SYPL1: variants seen among roughly 807,000 people sequenced by gnomAD.
The protein encoded by SYPL1 is synaptophysin like 1.
In SYPL1, 6 loss-of-function variants were observed where a neutral mutation model predicts 23.7. The observed-to-expected ratio is 0.25, with a 90% CI of 0.14 to 0.50. The LOEUF is 0.50. SYPL1 is among the 20% of genes least tolerant of loss of function. The pLI is 0.98. For missense variants in SYPL1, 253 were observed against 288.9 expected, an observed-to-expected ratio of 0.88 and a Z score of 0.90; for synonymous variants, 102 against 104.5, an observed-to-expected ratio of 0.98 and a Z score of 0.15.
intron 1 of SYPL1, among the ~76,000 whole-genome samples, chr7:106,107,961 G>A (rs1225476476): frequency 1.2e-4 from 19 of 152,082 alleles, no homozygotes; most frequent in South Asian, 4.1e-4. Flanking sequence ...TGGGGAGGCC[G>A]AGGCGGGTGG....
chr7:106,093,286 A>AATGTT, intron 3 of SYPL1, 149 bp from the exon 4 acceptor site: 1 of 667,636 alleles, frequency 1.5e-6, no homozygotes, highest in Non-Finnish European at 2.4e-6. Flanking sequence ...GTCAGTCAGC[A>AATGTT]TAGTAAACAT....
chr7:106,099,643 C>G (rs1225597311), intron 1 of SYPL1, among the ~76,000 whole-genome samples: 1 of 152,144 alleles, frequency 6.6e-6, no homozygotes, highest in Non-Finnish European at 1.5e-5. Context: ...ATCCTCCCAT[C>G]TTGGCCTCCC....
At chr7:106,112,436 G>A, upstream of SYPL1, 1 of 1,437,770 alleles carries the variant, frequency 7.0e-7, no homozygotes, top group Non-Finnish European at 9.1e-7. Context: ...GAGGCGAGGG[G>A]CGGGCCGGGG....
intron 1 of SYPL1, among the ~76,000 whole-genome samples, chr7:106,107,716 TG>T (rs1420196431): frequency 7.6e-6 from 1 of 132,272 alleles, no homozygotes; most frequent in Non-Finnish European, 1.5e-5. Context: ...CACTCCAGCC[TG>T]GGTGACAGAG....
At chr7:106,098,709 T>C (rs914780256) in intron 2 of SYPL1, among the ~76,000 whole-genome samples, 2 of 152,242 alleles carry the variant, frequency 1.3e-5, no homozygotes, top group African/African-American at 4.8e-5. Flanking sequence ...GAATGAAATA[T>C]GGAATCTCTT....
At chr7:106,099,904 C>T (rs958591008) in intron 1 of SYPL1, among the ~76,000 whole-genome samples, 2 of 152,128 alleles carry the variant, frequency 1.3e-5, no homozygotes, top group African/African-American at 4.8e-5. Context: ...ATTTGCAAAC[C>T]TCGACAAATG....
chr7:106,112,052 C>A, intron 1 of SYPL1, 88 bp downstream of exon 1: 12 of 1,220,236 alleles, frequency 9.8e-6, no homozygotes, highest in Non-Finnish European at 1.2e-5. Context: ...CGCGGCAGGG[C>A]TGCGTCCCGG....
In SYPL1 at chr7:106,090,785, C is replaced by T. The variant is rs1469188854; in HGVS notation, c.*1020G>A. 1 of 152,160 alleles carries T rather than the reference C, an allele frequency of 6.6e-6. No individual in the cohort carries two copies. The highest frequency in any genetic ancestry group is 2.4e-5 in the African/African-American group (1 of 41,434). The allele number at this position is 152,160 out of a possible 1,614,324, so 9.4% of individuals were successfully genotyped here. A position where few individuals can be genotyped will look rare whatever the true frequency, so the allele number is the denominator to read the frequency against. The stretch of plus-strand genomic sequence containing the variant: ...TAGGTTCCTTTATGATGCATAATTC[C>T]TTAATCATTCATTTGTGAAACAAGA... On this transcript the variant is annotated 3_prime_UTR_variant, in exon 5 of 5. Transcript: ENST00000455385.
chr7:106,093,220 T>C, intron 3 of SYPL1, 83 bp from the exon 4 acceptor site: 1 of 1,297,854 alleles, frequency 7.7e-7, no homozygotes, highest in African/African-American at 1.5e-5. Flanking sequence ...AAACTGAGAT[T>C]ACATTCAACC....
At chr7:106,101,463 C>G (rs1314044329) in intron 1 of SYPL1, among the ~76,000 whole-genome samples, 19 of 61,378 alleles carry the variant, frequency 3.1e-4, no homozygotes, top group African/African-American at 9.3e-4. Flanking sequence ...CCCCCCCCCC[C>G]CCCCACAAAA....
At chr7:106,107,216 A>G (rs1840647814) in intron 1 of SYPL1, among the ~76,000 whole-genome samples, 1 of 152,212 alleles carries the variant, frequency 6.6e-6, no homozygotes, top group Non-Finnish European at 1.5e-5. Flanking sequence ...CAATCAAAAG[A>G]TTAGATGCCT....
At chr7:106,105,409 C>T (rs370533029) in intron 1 of SYPL1, among the ~76,000 whole-genome samples, 3 of 150,878 alleles carry the variant, frequency 2.0e-5, no homozygotes, top group East Asian at 1.9e-4. Context: ...AATCCAGGGG[C>T]GGGGTGACAG....
chr7:106,108,227 A>G (rs978984923), intron 1 of SYPL1, among the ~76,000 whole-genome samples: 6 of 152,206 alleles, frequency 3.9e-5, no homozygotes, highest in Admixed American at 3.3e-4. Flanking sequence ...TTTTAAAAAT[A>G]GAAATCATTT....
At chr7:106,103,371 C>T (rs1037688090) in intron 1 of SYPL1, among the ~76,000 whole-genome samples, 7 of 152,166 alleles carry the variant, frequency 4.6e-5, no homozygotes, top group African/African-American at 1.7e-4. Context: ...GCCTACATTA[C>T]ACCTGCCACT....
chr7:106,106,422 G>A (rs1051285232), intron 1 of SYPL1, among the ~76,000 whole-genome samples: 2 of 151,800 alleles, frequency 1.3e-5, no homozygotes, highest in Non-Finnish European at 2.9e-5. Flanking sequence ...TGTGGTGGTG[G>A]GCACCTGTAA....
Position 106,092,978 on chromosome 7 carries a change from T to C in SYPL1, c.562A>G (p.Thr188Ala). 6.2e-7 allele frequency: 1 copy of C among 1,608,274 alleles called. No individual in the cohort carries two copies. The highest frequency in any genetic ancestry group is 1.7e-5 in the Admixed American group (1 of 59,092). Residue 188 changes from threonine (T) to alanine (A), a missense_variant, in exon 4 of 5, where the codon ACC becomes GCC. By Grantham distance (58) the Thr-to-Ala change is moderately conservative (BLOSUM62 0). Transcript: ENST00000455385. ...GATACATTTAGGGATCCCATACTGG[T>C]CACAGAGCCAAAGTAACACAGTACT... ...KAVLCYFGSVTSMGSLNVSVI... is the reference protein window; with the variant it reads ...KAVLCYFGSVASMGSLNVSVI...
intron 1 of SYPL1, among the ~76,000 whole-genome samples, chr7:106,107,763 T>C (rs1275576947): frequency 1.5e-5 from 2 of 129,760 alleles, no homozygotes; most frequent in African/African-American, 6.7e-5. Flanking sequence ...AAAAAAAAAA[T>C]TGGATTATGA....
At position 106,096,175 on chromosome 7, in the gene SYPL1, C is replaced by T. The variant is rs1019585473; in HGVS notation, c.402+1515G>A. 7 of 151,946 alleles carry T rather than the reference C, an allele frequency of 4.6e-5. No individual in the cohort carries two copies. The highest frequency in any genetic ancestry group is 9.7e-5 in the African/African-American group (4 of 41,358). 9.4% of individuals were successfully genotyped at this position (151,946 alleles called of 1,614,324 possible). A position where few individuals can be genotyped will look rare whatever the true frequency, so the allele number is the denominator to read the frequency against. ...AAGCACTGCAAATTAAAACAGTTGA[C>T]GTCTTATCTTTTTAACAACCGAGAA... On this transcript the variant is annotated intron_variant, in intron 3 of 4. Transcript: ENST00000455385. This position sits in a 1 kb window ranked among gnomAD's most constrained non-coding sequence, Gnocchi z 4.4.
At position 106,092,952 on chromosome 7, in the gene SYPL1, A is replaced by G; in HGVS notation, c.588T>C (p.Ser196=). 6.3e-7 allele frequency: 1 copy of G among 1,575,370 alleles called. No individual in the cohort carries two copies. Among genetic ancestry groups the G allele is most frequent in the Non-Finnish European group, 8.6e-7 (1 of 1,164,588 alleles). The part of the protein sequence containing the change: ...SVTSMGSLNV[S]VIFGFLNMIL... The stretch of plus-strand genomic sequence containing the variant: ...ATTATAAATAATGCATACATACCAC[A>G]GATACATTTAGGGATCCCATACTGG... Residue 196 remains serine, a synonymous_variant, in exon 4 of 5, where the codon TCT becomes TCC. Transcript: ENST00000455385.
Sources: gnomAD v4.1 joint callset for allele counts (sites outside exome capture counted in the v4.1 genomes callset) on GRCh38, gnomAD v4.1.1 for gene constraint, Gnocchi (gnomAD v3.1) non-coding constraint, MANE v1.5 for transcripts, NCBI Gene and HGNC (gene_info 2026-07-23, HGNC 2026-07-21) for gene names.